The following QKI variants were observed in gnomAD, a reference collection of about 807,000 sequenced individuals.
The protein encoded by QKI is QKI, KH domain containing RNA binding, also known as KH domain-containing RNA-binding protein QKI.
A neutral mutation model predicts 39.0 loss-of-function variants in QKI; 10 were observed. The observed-to-expected ratio is 0.26, with a 90% confidence interval of 0.16 to 0.43. The LOEUF (loss-of-function observed/expected upper bound fraction) is 0.43, where lower values mean the gene tolerates loss of function less well. Ranked by LOEUF, QKI falls within the 20% of genes least tolerant of loss-of-function variation. The probability of loss-of-function intolerance (pLI) is 1.00; values close to 1 mark genes in which losing one functional copy is unlikely to be tolerated. For synonymous variants in QKI, 204 were observed against 155.4 expected (o/e 1.31, Z -2.33); for missense variants, 218 against 428.0 (o/e 0.51, Z 4.33).
At chr6:163,566,917 A>G (rs144221599) in intron 7 of QKI, 122 bp downstream of exon 7, 12 of 1,459,634 alleles carry the variant, frequency 8.2e-6, no homozygotes, top group Admixed American at 2.7e-5. Flanking sequence ...TTCCTTTTCT[A>G]AATTTGTTTG....
intron 4 of QKI, among the ~76,000 whole-genome samples, chr6:163,544,856 A>G (rs1195834012): frequency 6.6e-6 from 1 of 152,140 alleles, no homozygotes; most frequent in Non-Finnish European, 1.5e-5. Context: ...CAGGTGAGAA[A>G]GAGTAAAATT....
rs9346961 is a variant in QKI at position 163,484,936 on chromosome 6, A to G, written c.402+6040A>G. ...AAGATTTGTTTGATGCAGGGTTGCCATAAGCCTTCAATTTGGAAAAATGCA... is the reference window on the plus strand; with the variant it reads ...AAGATTTGTTTGATGCAGGGTTGCCGTAAGCCTTCAATTTGGAAAAATGCA... On this transcript the variant is annotated intron_variant, in intron 3 of 7. Transcript: ENST00000361752. 4.4e-3 allele frequency among the ~76,000 whole-genome samples: 677 copies of G among 152,334 alleles called. 10 individuals carry two copies. In the East Asian group the frequency reaches 0.054, roughly 12 times the overall value.
Position 163,437,318 on chromosome 6 carries a change from T to C in QKI, c.143-17961T>C, listed in dbSNP as rs1789384650. Among the ~76,000 whole-genome samples the C allele has an allele frequency of 2.0e-5, 3 of 152,358 alleles. No homozygotes were observed. The South Asian group carries it at 6.2e-4, about 32-fold the overall frequency. ...GTGATGTATGTATACATATAGTACT[T>C]ATGTTAAAATTTTACTGTTTTTCTG... is the stretch of plus-strand genomic sequence containing the variant. On this transcript the variant is annotated intron_variant, in intron 1 of 7. Transcript: ENST00000361752.
chr6:163,537,861 T>C (rs1461737551), intron 4 of QKI, among the ~76,000 whole-genome samples: 1 of 152,224 alleles, frequency 6.6e-6, no homozygotes, highest in Non-Finnish European at 1.5e-5. Context: ...CTTTGCAGTC[T>C]ATTGTTACCT....
At chr6:163,436,719 G>A (rs1399703754) in intron 1 of QKI, among the ~76,000 whole-genome samples, 1 of 148,924 alleles carries the variant, frequency 6.7e-6, no homozygotes, top group Non-Finnish European at 1.5e-5. Flanking sequence ...GAACCTGGGA[G>A]GCCGAGGTTG....
intron 4 of QKI, 75 bp downstream of exon 4, chr6:163,535,200 T>C: frequency 7.2e-7 from 1 of 1,397,962 alleles, no homozygotes; most frequent in Non-Finnish European, 9.6e-7. Flanking sequence ...ATCGTAATGT[T>C]TATAAGGAAT....
rs1776224289 is a variant in QKI, at chr6:163,469,550, C to T, written c.286-9230C>T. On this transcript the variant is annotated intron_variant, in intron 2 of 7. Transcript: ENST00000361752. ...GGCATTTTCACAGACTTCTTGAGAG[C>T]AGAGTTTCGTTATTCTCAATCCTTC... Among the ~76,000 whole-genome samples the T allele has an allele frequency of 2.0e-5, 3 of 152,130 alleles. No homozygotes were observed. The South Asian group carries it at 6.2e-4, about 32-fold the overall frequency.
intron 3 of QKI, among the ~76,000 whole-genome samples, chr6:163,533,972 A>G (rs1781038004): frequency 6.6e-6 from 1 of 152,242 alleles, no homozygotes; most frequent in Non-Finnish European, 1.5e-5. Flanking sequence ...CTGGAATCTA[A>G]CAATTAGGTA....
chr6:163,518,561 A>G (rs1779968499), intron 3 of QKI, among the ~76,000 whole-genome samples: 1 of 152,206 alleles, frequency 6.6e-6, no homozygotes, highest in African/African-American at 2.4e-5. Flanking sequence ...TAAAAACCTT[A>G]TGAACATTTT....
Position 163,498,822 on chromosome 6 carries a change from A to G in QKI, c.402+19926A>G, listed in dbSNP as rs79509944. The stretch of plus-strand genomic sequence containing the variant: ...TTATTTTTCCATTGCCTTTGATATC[A>G]TATGAATTTAGTTATACAGATGGAG... On this transcript the variant is annotated intron_variant, in intron 3 of 7. Transcript: ENST00000361752. Among the ~76,000 whole-genome samples the G allele has an allele frequency of 4.2e-4, 64 of 152,240 alleles. No homozygotes were observed. The East Asian group carries it at 0.012, about 29-fold the overall frequency.
intron 3 of QKI, among the ~76,000 whole-genome samples, chr6:163,485,326 G>T (rs906277766): frequency 3.3e-5 from 5 of 152,180 alleles, no homozygotes; most frequent in African/African-American, 7.2e-5. Context: ...ATGTATTCAT[G>T]CTAGGAGGCA....
intron 1 of QKI, chr6:163,415,782 C>A: frequency 2.6e-6 from 1 of 381,184 alleles, no homozygotes; most frequent in Non-Finnish European, 5.2e-6. Flanking sequence ...GCCTCCCGAG[C>A]CTGCTCTGCG....
intron 4 of QKI, 35 bp from the exon 5 acceptor site, chr6:163,561,947 C>A (rs757272413): frequency 1.3e-6 from 2 of 1,540,838 alleles, no homozygotes; most frequent in African/African-American, 2.7e-5. Flanking sequence ...TGGACAGTCT[C>A]AAATGCTTTC....
At chr6:163,457,318 T>C in intron 2 of QKI, 1 of 456,010 alleles carries the variant, frequency 2.2e-6, no homozygotes, top group South Asian at 1.5e-5. Context: ...CATACAGTCT[T>C]CTAAGTCAGG....
chr6:163,443,574 A>G (rs1015323422), intron 1 of QKI, among the ~76,000 whole-genome samples: 5 of 152,182 alleles, frequency 3.3e-5, no homozygotes, highest in Middle Eastern at 3.2e-3. Context: ...AATAACAACA[A>G]CAACAACAAC....
chr6:163,429,841 T>C (rs1788692118), intron 1 of QKI, among the ~76,000 whole-genome samples: 1 of 152,192 alleles, frequency 6.6e-6, no homozygotes, highest in Admixed American at 6.5e-5. Flanking sequence ...ATGTGTGCGA[T>C]GTTATGAGGG....
chr6:163,423,850 CT>C (rs1413433849), intron 1 of QKI, among the ~76,000 whole-genome samples: 9 of 152,164 alleles, frequency 5.9e-5, no homozygotes, highest in African/African-American at 2.2e-4. Flanking sequence ...ACATTTTTGG[CT>C]GGGTGATTTA....
rs537865496 is a variant in QKI at position 163,511,430 on chromosome 6, AAGTT to A, written c.403-23546_403-23543del. 2.7e-4 allele frequency among the ~76,000 whole-genome samples: 41 copies of A among 152,062 alleles called. 1 individual carries two copies. The highest frequency in any genetic ancestry group is 5.0e-4 in the Non-Finnish European group (34 of 67,946). The stretch of plus-strand genomic sequence containing the variant: ...ATGAAACTAAAAAGAGTTCTTGGAA[AAGTT>A]AGTTAAGATAAAGCTCTAATTAGAC... On this transcript the variant is annotated intron_variant, in intron 3 of 7. Transcript: ENST00000361752.
chr6:163,570,000 G>C (rs973093694), intron 7 of QKI: 2 of 986,140 alleles, frequency 2.0e-6, no homozygotes, highest in African/African-American at 3.5e-5. Context: ...AGTGCAAAAG[G>C]CCTGGCCATT....
Sources: allele counts gnomAD v4.1 joint callset (sites outside exome capture counted in the v4.1 genomes callset), GRCh38; gene constraint gnomAD v4.1.1; transcripts MANE v1.5; gene names NCBI Gene and HGNC (gene_info 2026-07-23, HGNC 2026-07-21).